The following IKZF2 variants were observed in gnomAD, a reference collection of about 807,000 sequenced individuals.
The protein encoded by IKZF2 is IKAROS family zinc finger 2.
IKZF2 carries 15 observed loss-of-function variants against 49.2 expected under a neutral mutation model. The ratio of observed to expected loss-of-function variants is 0.30; its 90% CI spans 0.20 to 0.47. The LOEUF (loss-of-function observed/expected upper bound fraction) is 0.47, where lower values mean the gene tolerates loss of function less well. IKZF2 is among the 20% of genes least tolerant of loss of function. The pLI is 1.00. For missense variants in IKZF2, 567 were observed against 664.6 expected (o/e 0.85, Z 1.61); for synonymous variants, 227 against 221.4 (o/e 1.03, Z -0.23).
intron 8 of IKZF2, 77 bp downstream of exon 8, chr2:213,013,714 T>C (rs1696241964): frequency 7.7e-7 from 1 of 1,292,250 alleles, no homozygotes; most frequent in Admixed American, 2.2e-5. Context: ...ACACCATATA[T>C]ATTTCTAATA....
intron 4 of IKZF2, among the ~76,000 whole-genome samples, chr2:213,121,828 TC>T (rs2060067842): frequency 6.6e-6 from 1 of 152,230 alleles, no homozygotes; most frequent in Non-Finnish European, 1.5e-5. Context: ...AGCACACTAA[TC>T]AGCTGTTGAA....
intron 4 of IKZF2, among the ~76,000 whole-genome samples, chr2:213,115,645 A>G (rs2059846353): frequency 6.6e-6 from 1 of 152,236 alleles, no homozygotes; most frequent in South Asian, 2.1e-4. Flanking sequence ...CAATAAATTA[A>G]AAGGATAGGT....
chr2:213,067,562 AATG>A (rs2125459472), intron 4 of IKZF2, among the ~76,000 whole-genome samples: 1 of 152,230 alleles, frequency 6.6e-6, no homozygotes, highest in South Asian at 2.1e-4. Flanking sequence ...CAAGAGAATT[AATG>A]CTTGAATGGC....
At chr2:213,099,175 G>A (rs1706349040) in intron 4 of IKZF2, among the ~76,000 whole-genome samples, 1 of 152,000 alleles carries the variant, frequency 6.6e-6, no homozygotes, top group Non-Finnish European at 1.5e-5. Context: ...TTTAGTTGAG[G>A]AAGCTACATG....
At chr2:213,080,198 A>ATAGATAGATAGATAGATAGATAGATGGG (rs142164690) in intron 4 of IKZF2, among the ~76,000 whole-genome samples, 2 of 151,732 alleles carry the variant, frequency 1.3e-5, no homozygotes, top group African/African-American at 2.4e-5. Flanking sequence ...AGATAGATAG[A>ATAGATAGATAGATAGATAGATAGATGGG]TAGATAGATA....
At chr2:213,144,942 A>C (rs2060997203) in intron 4 of IKZF2, among the ~76,000 whole-genome samples, 1 of 151,850 alleles carries the variant, frequency 6.6e-6, no homozygotes, top group Non-Finnish European at 1.5e-5. Flanking sequence ...CTCCCTCCCA[A>C]GTCACCAGTG....
At chr2:213,139,183 GTATTAA>G (rs979055391) in intron 4 of IKZF2, among the ~76,000 whole-genome samples, 2 of 151,904 alleles carry the variant, frequency 1.3e-5, no homozygotes, top group African/African-American at 4.8e-5. Flanking sequence ...CTGATTGTAT[GTATTAA>G]TATAGGTTAC....
chr2:213,093,079 T>C (rs1392353121), intron 4 of IKZF2, among the ~76,000 whole-genome samples: 1 of 152,188 alleles, frequency 6.6e-6, no homozygotes, highest in Admixed American at 6.5e-5. Context: ...AGAAAGTTAT[T>C]CAAGTAATAC....
intron 4 of IKZF2, among the ~76,000 whole-genome samples, chr2:213,121,769 A>AC (rs1422911959): frequency 6.6e-6 from 1 of 152,240 alleles, no homozygotes; most frequent in Non-Finnish European, 1.5e-5. Context: ...ACTAAATAGA[A>AC]TAATATCTGT....
At chr2:213,109,248 T>C (rs1008315807) in intron 4 of IKZF2, among the ~76,000 whole-genome samples, 2 of 152,038 alleles carry the variant, frequency 1.3e-5, no homozygotes, top group African/African-American at 4.8e-5. Context: ...AGACACAAAA[T>C]TATAGCAGTG....
At position 213,147,765 on chromosome 2, in the gene IKZF2, C is replaced by T. The variant is rs756592533; in HGVS notation, c.82G>A (p.Asp28Asn). ...CCATTGGGTGTGCTTGAGGTGAGGTCAATTGCCATATTGGAGTGCTCCCTT... is the reference window on the plus strand; with the variant it reads ...CCATTGGGTGTGCTTGAGGTGAGGTTAATTGCCATATTGGAGTGCTCCCTT... ...PEREHSNMAI[D>N]LTSSTPNGQH... Residue 28 changes from aspartate to asparagine, a missense_variant, in exon 4 of 9, where the codon GAC becomes AAC. Around this residue, in one of 5 missense-constraint regions of IKZF2, gnomAD observed 156 missense variants for 138.5 expected, o/e 1.13. Coordinates refer to ENST00000434687, the MANE Select transcript of IKZF2 (RefSeq NM_001387220.1). The T allele has an allele frequency of 2.5e-6, 4 of 1,613,958 alleles. No homozygotes were observed. In the South Asian group the frequency reaches 4.4e-5, roughly 18 times the overall value.
At chr2:213,043,183 TACACACAC>T (rs34393449) in intron 6 of IKZF2, among the ~76,000 whole-genome samples, 4 of 148,744 alleles carry the variant, frequency 2.7e-5, no homozygotes, top group African/African-American at 7.4e-5. Context: ...GTAAATGAAA[TACACACAC>T]ACACACACAC....
intron 4 of IKZF2, among the ~76,000 whole-genome samples, chr2:213,076,063 T>TA (rs1216187692): frequency 1.3e-5 from 2 of 152,056 alleles, no homozygotes; most frequent in East Asian, 1.9e-4. Context: ...TCACTGATTG[T>TA]AAAAAAACAA....
intron 6 of IKZF2, among the ~76,000 whole-genome samples, chr2:213,032,814 T>C (rs934553363): frequency 1.3e-5 from 2 of 152,196 alleles, no homozygotes; most frequent in African/African-American, 2.4e-5. Flanking sequence ...TGTCGATGGC[T>C]ACTGATTGAT....
intron 6 of IKZF2, among the ~76,000 whole-genome samples, chr2:213,029,672 A>G (rs1218362410): frequency 6.6e-6 from 1 of 152,094 alleles, no homozygotes; most frequent in African/African-American, 2.4e-5. Context: ...CTAAGATGAA[A>G]AAACAAAACA....
chr2:213,111,640 T>C lies in IKZF2; in HGVS notation c.139+36068A>G, dbSNP rs551741698. Among the ~76,000 whole-genome samples, 18 of 152,226 alleles carry C rather than the reference T, an allele frequency of 1.2e-4. No homozygotes were observed. In the East Asian group the frequency reaches 3.5e-3, roughly 29 times the overall value. ...GTAAAGAGAACAAACAAAATCTACC[T>C]AGTTTCTGAAATTACTGAGCATGCG... On this transcript the variant is annotated intron_variant, in intron 4 of 8. Transcript: ENST00000434687.
chr2:213,080,072 C>A (rs1703765565), intron 4 of IKZF2, among the ~76,000 whole-genome samples: 1 of 151,898 alleles, frequency 6.6e-6, no homozygotes, highest in Non-Finnish European at 1.5e-5. Context: ...CAACTTACAA[C>A]TACAAAGTTC....
At chr2:213,100,671 G>A (rs1419421418) in intron 4 of IKZF2, among the ~76,000 whole-genome samples, 3 of 151,864 alleles carry the variant, frequency 2.0e-5, no homozygotes, top group Non-Finnish European at 4.4e-5. Context: ...AACCTTACAG[G>A]TTTACACTTA....
intron 4 of IKZF2, among the ~76,000 whole-genome samples, chr2:213,095,653 A>T (rs1705889169): frequency 1.3e-5 from 2 of 152,084 alleles, no homozygotes; most frequent in South Asian, 4.1e-4. Context: ...TGTCTTTCAA[A>T]TTTTTTAAAT....
Sources: allele counts gnomAD v4.1 joint callset (sites outside exome capture counted in the v4.1 genomes callset), GRCh38; gene constraint gnomAD v4.1.1; regional missense constraint gnomAD v4.1.1; transcripts MANE v1.5; gene names NCBI Gene and HGNC (gene_info 2026-07-23, HGNC 2026-07-21).